The following PARP4 variants were observed in gnomAD, a reference collection of about 807,000 sequenced individuals.
PARP4 encodes the protein poly(ADP-ribose) polymerase family member 4.
Under a neutral mutation model 187.7 loss-of-function variants are expected in PARP4, and 120 were observed. That is an observed-to-expected ratio of 0.64 (90% CI 0.55 to 0.74). PARP4 has a LOEUF of 0.74. PARP4 is among the 30% of genes least tolerant of loss of function. The probability of loss-of-function intolerance (pLI) is 0.00; values close to 1 mark genes in which losing one functional copy is unlikely to be tolerated. For synonymous variants in PARP4, 654 were observed against 740.9 expected (o/e 0.88, Z 1.90); for missense variants, 1,836 against 2,070.5 (o/e 0.89, Z 2.20).
chr13:24,443,739 A>C lies in PARP4; in HGVS notation c.3367-9T>G, dbSNP rs201654209. On this transcript the variant is annotated splice_polypyrimidine_tract_variant and intron_variant, in intron 27 of 33. Transcript: ENST00000381989. The stretch of plus-strand genomic sequence containing the variant: ...GCCAGCTTGTGGATCATCTGTGTTT[A>C]AGCAGCAAAGGAAAAAAAATATTCA... 4.0e-5 allele frequency: 64 copies of C among 1,603,486 alleles called. No individual in the cohort carries two copies. The East Asian group carries it at 1.1e-3, about 28-fold the overall frequency.
At position 24,501,618 on chromosome 13, in the gene PARP4, C is replaced by T. The variant is rs757912933; in HGVS notation, c.334+15G>A. On this transcript the variant is annotated intron_variant, in intron 3 of 33. Transcript: ENST00000381989. ...GCACCTATGATACGTTAAATGCTTG[C>T]TATGAAATACCTACCAGAACTGCTC... 6.3e-7 allele frequency: 1 copy of T among 1,581,070 alleles called. No homozygotes were observed. Among genetic ancestry groups the T allele is most frequent in the Admixed American group, 1.7e-5 (1 of 59,830 alleles).
intron 30 of PARP4, among the ~76,000 whole-genome samples, chr13:24,439,846 C>T (rs1870828024): frequency 6.6e-6 from 1 of 152,152 alleles, no homozygotes; most frequent in South Asian, 2.1e-4. Flanking sequence ...GGTCACAGCC[C>T]CTCAGCTTAG....
intron 33 of PARP4, among the ~76,000 whole-genome samples, chr13:24,422,671 C>T (rs1020487728): frequency 2.0e-5 from 3 of 151,974 alleles, no homozygotes; most frequent in African/African-American, 4.8e-5. Flanking sequence ...TGCAGGGACA[C>T]GATCTCGGTT....
At chr13:24,505,995 T>C (rs1180361082) in intron 1 of PARP4, among the ~76,000 whole-genome samples, 1 of 152,242 alleles carries the variant, frequency 6.6e-6, no homozygotes, top group African/African-American at 2.4e-5. Context: ...GCCTGCCCTT[T>C]CACCTCCCAC....
rs1465025528 is a variant in PARP4 at position 24,435,044 on chromosome 13, T to C, written c.4097A>G (p.Gln1366Arg). 3.7e-6 allele frequency: 6 copies of C among 1,613,896 alleles called. No homozygotes were observed. The Admixed American group carries it at 8.3e-5, about 22-fold the overall frequency. The change falls in exon 31 of 34, where the codon CAA becomes CGA. Residue 1366 changes from glutamine (Q) to arginine (R), a missense_variant. Physicochemically the swap from Gln to Arg is conservative, Grantham distance 43. Transcript: ENST00000381989. ...AGCACAAGTGCCAGGCACAGGGCCT[T>C]GGCTGAATTGAGATGCATCAAACTG... ...PRQFDASQFS[Q>R]GPVPGTCADW...
At chr13:24,459,754 T>C (rs928579360) in intron 18 of PARP4, among the ~76,000 whole-genome samples, 1 of 149,390 alleles carries the variant, frequency 6.7e-6, no homozygotes, top group Admixed American at 6.6e-5. Context: ...TTTTGAGTGA[T>C]TAAGCAGAAT....
intron 12 of PARP4, among the ~76,000 whole-genome samples, chr13:24,479,476 T>C (rs1873152534): frequency 6.6e-6 from 1 of 152,170 alleles, no homozygotes; most frequent in Admixed American, 6.5e-5. Flanking sequence ...CCTTTATGTC[T>C]AGCTCAGGGA....
intron 17 of PARP4, among the ~76,000 whole-genome samples, chr13:24,463,347 C>G (rs1024527822): frequency 2.0e-5 from 3 of 152,032 alleles, no homozygotes; most frequent in African/African-American, 7.2e-5. Flanking sequence ...GGAATGCACT[C>G]TTTGCTAGCA....
At chr13:24,503,522 T>A in intron 2 of PARP4, 123 bp downstream of exon 2, 1 of 1,187,924 alleles carries the variant, frequency 8.4e-7, no homozygotes, top group Non-Finnish European at 1.2e-6. Flanking sequence ...TCTCTCCTGA[T>A]GAACTTCGAG....
chr13:24,497,928 G>A (rs1159415415), intron 6 of PARP4, among the ~76,000 whole-genome samples, 188 bp downstream of exon 6: 5 of 152,174 alleles, frequency 3.3e-5, no homozygotes, highest in African/African-American at 7.2e-5. Flanking sequence ...CTTTGACCTT[G>A]GACTTCCAGC....
chr13:24,460,057 C>A lies in PARP4; in HGVS notation c.2213G>T (p.Ser738Ile). The change falls in exon 18 of 34, where the codon AGC becomes ATC. Residue 738 changes from serine to isoleucine, a missense_variant. Around this residue, in one of 8 missense-constraint regions of PARP4, gnomAD observed 1,147 missense variants for 1,214.2 expected, o/e 0.94. Transcript: ENST00000381989. ...LIKITYITELSILGTVGVFFM... is the reference protein window; with the variant it reads ...LIKITYITELIILGTVGVFFM... ...AAAGACACCAACAGTGCCCAGGATGCTGAGTTCTGTGATGTAGGTAATTTT... is the reference window on the plus strand; with the variant it reads ...AAAGACACCAACAGTGCCCAGGATGATGAGTTCTGTGATGTAGGTAATTTT... The A allele has an allele frequency of 6.2e-7, 1 of 1,614,012 alleles. No individual in the cohort carries two copies. Among genetic ancestry groups the A allele is most frequent in the East Asian group, 2.2e-5 (1 of 44,874 alleles).
chr13:24,432,041 T>C (rs1322503056), intron 31 of PARP4, among the ~76,000 whole-genome samples: 1 of 152,192 alleles, frequency 6.6e-6, no homozygotes, highest in Non-Finnish European at 1.5e-5. Context: ...TTTTTTTAAA[T>C]GGTACTTTTT....
At chr13:24,478,008 T>C in intron 13 of PARP4, 85 bp downstream of exon 13, 1 of 1,124,708 alleles carries the variant, frequency 8.9e-7, no homozygotes, top group Non-Finnish European at 1.3e-6. Context: ...AACTTAAGCA[T>C]ATTTAATGAA....
At chr13:24,445,825 C>T (rs558097546) in intron 27 of PARP4, among the ~76,000 whole-genome samples, 40 of 152,290 alleles carry the variant, frequency 2.6e-4, no homozygotes, top group African/African-American at 9.4e-4. Context: ...GGACCTGCTA[C>T]TTGCTACCGG....
chr13:24,479,174 A>G (rs1276717680), intron 12 of PARP4, among the ~76,000 whole-genome samples: 1 of 152,168 alleles, frequency 6.6e-6, no homozygotes, highest in African/African-American at 2.4e-5. Flanking sequence ...TGGACACAAC[A>G]TTTTGGAGAC....
chr13:24,471,459 TAGAAC>T (rs965799087), intron 15 of PARP4, among the ~76,000 whole-genome samples: 1 of 152,210 alleles, frequency 6.6e-6, no homozygotes, highest in Non-Finnish European at 1.5e-5. Context: ...TACCAGGCCT[TAGAAC>T]AGAAACTAAT....
At chr13:24,426,431 A>G (rs1233402512) in intron 33 of PARP4, 35 bp downstream of exon 33, 1 of 1,498,600 alleles carries the variant, frequency 6.7e-7, no homozygotes, top group South Asian at 1.2e-5. Flanking sequence ...AGTTGAAAAT[A>G]TAAATAAGTT....
intron 17 of PARP4, among the ~76,000 whole-genome samples, chr13:24,466,003 A>AGC (rs1872446889): frequency 6.6e-6 from 1 of 152,200 alleles, no homozygotes; most frequent in Admixed American, 6.5e-5. Context: ...ACCCTAAAGC[A>AGC]GTGCTGACCA....
intron 32 of PARP4, among the ~76,000 whole-genome samples, chr13:24,430,131 T>A (rs535165510): frequency 1.4e-3 from 208 of 152,350 alleles, no homozygotes; most frequent in African/African-American, 4.9e-3. Context: ...GTTAGTCAGA[T>A]AGAGGCTCTT....
Sources: gnomAD v4.1 joint callset for allele counts (sites outside exome capture counted in the v4.1 genomes callset) on GRCh38, gnomAD v4.1.1 for gene constraint, gnomAD v4.1.1 regional missense constraint, MANE v1.5 for transcripts, NCBI Gene and HGNC (gene_info 2026-07-23, HGNC 2026-07-21) for gene names.